Variants in ITPR1 observed in about 807,000 individuals in gnomAD.
The protein encoded by ITPR1 is inositol 1,4,5-trisphosphate receptor type 1, also known as inositol 1,4,5-trisphosphate-gated calcium channel ITPR1.
Under a neutral mutation model 318.4 loss-of-function variants are expected in ITPR1, and 96 were observed. The ratio of observed to expected loss-of-function variants is 0.30; its 90% CI spans 0.26 to 0.36. The LOEUF is 0.36. Among genes scored for constraint, ITPR1 ranks in the 10% least tolerant of loss-of-function variants. The probability of loss-of-function intolerance (pLI) is 1.00; values close to 1 mark genes in which losing one functional copy is unlikely to be tolerated. For synonymous variants in ITPR1, 1,312 were observed against 1,289.9 expected (o/e 1.02, Z -0.37); for missense variants, 2,440 against 3,460.2 (o/e 0.71, Z 7.40).
intron 60 of ITPR1, among the ~76,000 whole-genome samples, chr3:4,825,443 T>A (rs983566748): frequency 2.6e-5 from 4 of 152,150 alleles, no homozygotes; most frequent in Admixed American, 6.5e-5. Context: ...TGCGGGTAAT[T>A]TGCTTCAAAA....
At chr3:4,841,046 A>AACACAAGATTAGAATAACTGCC (rs2051306215) in intron 61 of ITPR1, among the ~76,000 whole-genome samples, 2 of 152,242 alleles carry the variant, frequency 1.3e-5, no homozygotes, top group Admixed American at 1.3e-4. Context: ...CAGAAGGCAT[A>AACACAAGATTAGAATAACTGCC]ACACAAGATT....
intron 59 of ITPR1, among the ~76,000 whole-genome samples, chr3:4,816,497 G>A (rs772036470): frequency 5.3e-5 from 8 of 152,068 alleles, no homozygotes; most frequent in Non-Finnish European, 8.8e-5. Context: ...AGCAATTCTC[G>A]TGCTTCAGCC....
intron 3 of ITPR1, among the ~76,000 whole-genome samples, chr3:4,520,475 G>A (rs1043904918): frequency 9.2e-5 from 14 of 152,190 alleles, no homozygotes; most frequent in African/African-American, 3.1e-4. Flanking sequence ...CATCTATTTC[G>A]AATCTTCCAG....
At chr3:4,745,698 A>G (rs924371180) in intron 44 of ITPR1, among the ~76,000 whole-genome samples, 1 of 152,092 alleles carries the variant, frequency 6.6e-6, no homozygotes, top group African/African-American at 2.4e-5. Flanking sequence ...ACACCTCCCA[A>G]AGATACAGCT....
Position 4,693,517 on chromosome 3 carries a change from G to A in ITPR1, c.4057G>A (p.Val1353Met), listed in dbSNP as rs1171512407. 2.5e-6 allele frequency: 4 copies of A among 1,613,770 alleles called. No homozygotes were observed. Among genetic ancestry groups the A allele is most frequent in the South Asian group, 2.2e-5 (2 of 91,080 alleles). ...ELVNSGEDVLVFYNDRASFQT... is the reference protein window; with the variant it reads ...ELVNSGEDVLMFYNDRASFQT... ...GGTCAATTCGGGAGAGGATGTCCTC[G>A]TGTTCTACAACGACAGAGCCTCTTT... is the stretch of plus-strand genomic sequence containing the variant. Residue 1353 changes from valine to methionine, a missense_variant, in exon 33 of 62, where the codon GTG becomes ATG. By Grantham distance (21) the Val-to-Met change is conservative (BLOSUM62 1). Coordinates refer to ENST00000649015, the MANE Select transcript of ITPR1 (RefSeq NM_001378452.1).
intron 43 of ITPR1, among the ~76,000 whole-genome samples, chr3:4,734,656 A>C (rs2043152284): frequency 6.6e-6 from 1 of 152,250 alleles, no homozygotes; most frequent in African/African-American, 2.4e-5. Flanking sequence ...TCTTGGCTCC[A>C]CGCCAAGCAG....
rs1411981996 is a variant in ITPR1, at chr3:4,710,307, G to A, written c.4843-18G>A. ...GCGTCTGCCTGAGCCGTTGACTGAG[G>A]CTGTGTTTCCGTTTTAGGACATCGT... On this transcript the variant is annotated intron_variant, in intron 37 of 61. Coordinates refer to ENST00000649015, the MANE Select transcript of ITPR1 (RefSeq NM_001378452.1). The surrounding 1 kb of genome is among the most constrained non-coding windows in gnomAD (Gnocchi z 4.2). 1.3e-6 allele frequency: 2 copies of A among 1,530,148 alleles called. No individual in the cohort carries two copies. The highest frequency in any genetic ancestry group is 1.8e-6 in the Non-Finnish European group (2 of 1,130,568). The allele number at this position is 1,530,148 out of a possible 1,614,324, so 94.8% of individuals were successfully genotyped here.
At chr3:4,596,884 T>C (rs924218593) in intron 4 of ITPR1, among the ~76,000 whole-genome samples, 3 of 152,218 alleles carry the variant, frequency 2.0e-5, no homozygotes, top group Non-Finnish European at 2.9e-5. Flanking sequence ...ATTGTTTCTC[T>C]GGGTCAGTAA....
chr3:4,531,143 C>T (rs1342006701), intron 4 of ITPR1, among the ~76,000 whole-genome samples: 1 of 152,056 alleles, frequency 6.6e-6, no homozygotes, highest in Non-Finnish European at 1.5e-5. Flanking sequence ...GGATTTGAAC[C>T]TATGTCTGGA....
intron 2 of ITPR1, among the ~76,000 whole-genome samples, chr3:4,509,581 C>T (rs2081646578): frequency 6.6e-6 from 1 of 152,120 alleles, no homozygotes. Flanking sequence ...TACTTGAGGC[C>T]AGAGTTCAAG....
intron 4 of ITPR1, among the ~76,000 whole-genome samples, chr3:4,542,212 G>T (rs2084522242): frequency 6.6e-6 from 1 of 152,140 alleles, no homozygotes; most frequent in African/African-American, 2.4e-5. Context: ...TACAGTAGGT[G>T]CTATCTCTAC....
intron 44 of ITPR1, among the ~76,000 whole-genome samples, chr3:4,754,272 C>A (rs1251320629): frequency 1.3e-5 from 2 of 152,178 alleles, no homozygotes; most frequent in Admixed American, 1.3e-4. Context: ...CAGATTGCCA[C>A]CCCCATGGAG....
chr3:4,670,272 A>T (rs962489072), intron 19 of ITPR1, among the ~76,000 whole-genome samples: 1 of 152,260 alleles, frequency 6.6e-6, no homozygotes, highest in African/African-American at 2.4e-5. Context: ...CTTAAAAAAC[A>T]TACTAAATTA....
chr3:4,782,311 T>G, intron 49 of ITPR1: 1 of 209,934 alleles, frequency 4.8e-6, no homozygotes, highest in Non-Finnish European at 9.4e-6. Flanking sequence ...ATTCATATCA[T>G]ATTTATTGTT....
At chr3:4,689,301 C>T (rs184252046) in intron 31 of ITPR1, among the ~76,000 whole-genome samples, 1 of 130,128 alleles carries the variant, frequency 7.7e-6, no homozygotes, top group African/African-American at 2.6e-5. Context: ...CAAAGGACAT[C>T]TTTGTGCATG....
At chr3:4,660,792 A>T (rs1392958198) in intron 13 of ITPR1, among the ~76,000 whole-genome samples, 196 bp from the exon 14 acceptor site, 1 of 152,200 alleles carries the variant, frequency 6.6e-6, no homozygotes, top group Non-Finnish European at 1.5e-5. Flanking sequence ...TAGAGTCGTT[A>T]TGAATGATTT....
intron 60 of ITPR1, among the ~76,000 whole-genome samples, chr3:4,832,791 A>G (rs1298013281): frequency 6.6e-6 from 1 of 152,232 alleles, no homozygotes. Context: ...GGGTGGGGCC[A>G]TCAAGTCCCA....
chr3:4,821,549 T>G (rs2049718457), intron 60 of ITPR1, among the ~76,000 whole-genome samples: 1 of 152,220 alleles, frequency 6.6e-6, no homozygotes, highest in South Asian at 2.1e-4. Context: ...AAACCCAGGC[T>G]GACTTGGAAA....
rs187508304 is a variant in ITPR1 at position 4,659,728 on chromosome 3, C to A, written c.1152-1260C>A. On this transcript the variant is annotated intron_variant, in intron 13 of 61. Transcript: ENST00000649015. ...AGAAACTGTTATAGTCAATTGTAAT[C>A]ATCTTTAAATAACAGTAGTATCAAC... 1.2e-3 allele frequency among the ~76,000 whole-genome samples: 183 copies of A among 151,626 alleles called. 2 individuals are homozygous for A. Among genetic ancestry groups the A allele is most frequent in the African/African-American group, 4.1e-3 (171 of 41,378 alleles).
Sources: gnomAD v4.1 joint callset for allele counts (sites outside exome capture counted in the v4.1 genomes callset) on GRCh38, gnomAD v4.1.1 for gene constraint, Gnocchi (gnomAD v3.1) non-coding constraint, MANE v1.5 for transcripts, NCBI Gene and HGNC (gene_info 2026-07-23, HGNC 2026-07-21) for gene names.